Variants in DLC1 observed in about 807,000 individuals in gnomAD.
DLC1 encodes the protein rho GTPase-activating protein 7.
In DLC1, 54 loss-of-function variants were observed where a neutral mutation model predicts 140.3. The observed-to-expected ratio is 0.38, with a 90% CI of 0.31 to 0.48. The LOEUF is 0.48. Among genes scored for constraint, DLC1 ranks in the 20% least tolerant of loss-of-function variants. The probability of loss-of-function intolerance (pLI) is 0.96; values close to 1 mark genes in which losing one functional copy is unlikely to be tolerated. For synonymous variants in DLC1, 986 were observed against 728.1 expected (o/e 1.35, Z -5.70); for missense variants, 2,536 against 1,907.0 (o/e 1.33, Z -6.14).
intron 1 of DLC1, among the ~76,000 whole-genome samples, chr8:13,527,803 G>T (rs895158087): frequency 1.3e-5 from 2 of 152,210 alleles, no homozygotes; most frequent in Non-Finnish European, 2.9e-5. Flanking sequence ...TCTATTATAC[G>T]TGAACTAGGG....
At chr8:13,278,297 A>G (rs1308594614) in intron 5 of DLC1, among the ~76,000 whole-genome samples, 3 of 152,196 alleles carry the variant, frequency 2.0e-5, no homozygotes, top group African/African-American at 7.2e-5. Context: ...TTCTAAAACA[A>G]TGTCCCCAGA....
intron 6 of DLC1, among the ~76,000 whole-genome samples, chr8:13,114,139 A>G (rs1047348197): frequency 6.6e-6 from 1 of 152,210 alleles, no homozygotes; most frequent in African/African-American, 2.4e-5. Context: ...AGGTGGGTGG[A>G]TCACCTGAGG....
intron 5 of DLC1, among the ~76,000 whole-genome samples, chr8:13,240,445 C>G (rs1829494152): frequency 6.6e-6 from 1 of 152,164 alleles, no homozygotes; most frequent in South Asian, 2.1e-4. Context: ...CTTTCTGAGA[C>G]AGGGTCTCTC....
chr8:13,418,953 A>G (rs1360424632), intron 2 of DLC1, among the ~76,000 whole-genome samples: 11 of 151,450 alleles, frequency 7.3e-5, no homozygotes, highest in African/African-American at 2.4e-4. Context: ...TGGATTCCTA[A>G]GTATTTTATT....
intron 5 of DLC1, among the ~76,000 whole-genome samples, chr8:13,258,126 C>G (rs1197612419): frequency 6.6e-6 from 1 of 152,158 alleles, no homozygotes; most frequent in Non-Finnish European, 1.5e-5. Flanking sequence ...CAGCAAATCA[C>G]AAGTGCAAGG....
chr8:13,299,012 C>A (rs996633118), intron 5 of DLC1, among the ~76,000 whole-genome samples: 3 of 152,078 alleles, frequency 2.0e-5, no homozygotes, highest in Admixed American at 2.0e-4. Context: ...ATTAATAGTT[C>A]TCAAATATTC....
At chr8:13,133,257 G>A in intron 5 of DLC1, 6 of 1,355,212 alleles carry the variant, frequency 4.4e-6, no homozygotes, top group Non-Finnish European at 4.7e-6. Flanking sequence ...GGCTGGGAGC[G>A]AAGCGCCCTC....
At chr8:13,555,528 GTT>G (rs1012392594) in intron 1 of DLC1, among the ~76,000 whole-genome samples, 86 of 152,182 alleles carry the variant, frequency 5.7e-4, no homozygotes, top group African/African-American at 2.0e-3. Flanking sequence ...GTCTCACTCT[GTT>G]GCCCAGGCTG....
rs140772564 is a variant in DLC1 at position 13,426,179 on chromosome 8, T to C, written c.1024-24560A>G. ...TGGATACAAATTGAAAAGATGTCCA[T>C]GCTTAATATTCCAAATATTGTCTCT... is the stretch of plus-strand genomic sequence containing the variant. On this transcript the variant is annotated intron_variant, in intron 2 of 17. Transcript: ENST00000276297. 1.8e-3 allele frequency among the ~76,000 whole-genome samples: 271 copies of C among 150,646 alleles called. 1 individual carries two copies. The highest frequency in any genetic ancestry group is 6.4e-3 in the African/African-American group (263 of 41,226).
At chr8:13,369,734 G>C (rs186693162) in intron 4 of DLC1, among the ~76,000 whole-genome samples, 2 of 151,998 alleles carry the variant, frequency 1.3e-5, no homozygotes, top group Non-Finnish European at 2.9e-5. Context: ...TGGCCTGGAG[G>C]GTTACACTTG....
At chr8:13,125,658 C>T (rs924088123) in intron 5 of DLC1, among the ~76,000 whole-genome samples, 2 of 152,078 alleles carry the variant, frequency 1.3e-5, no homozygotes, top group African/African-American at 4.8e-5. Flanking sequence ...ACAGTGCCCT[C>T]ACTTGTAAAT....
At chr8:13,383,961 T>G (rs901832958) in intron 4 of DLC1, among the ~76,000 whole-genome samples, 3 of 152,162 alleles carry the variant, frequency 2.0e-5, no homozygotes, top group Non-Finnish European at 4.4e-5. Flanking sequence ...ACTGTGAGAT[T>G]AGCTGCATAA....
chr8:13,273,351 A>G (rs561183753), intron 5 of DLC1, among the ~76,000 whole-genome samples: 90 of 152,354 alleles, frequency 5.9e-4, no homozygotes, highest in South Asian at 1.4e-3. Context: ...TGAAAACTCA[A>G]TACCATCCTC....
In DLC1 at chr8:13,396,639, A is replaced by C. The variant is rs534007395; in HGVS notation, c.1174-2946T>G. Among the ~76,000 whole-genome samples the C allele has an allele frequency of 2.6e-4, 39 of 152,286 alleles. 4 individuals are homozygous for C. The South Asian group carries it at 7.9e-3, about 31-fold the overall frequency. On this transcript the variant is annotated intron_variant, in intron 3 of 17. Transcript: ENST00000276297. ...TATCCCAAGGTAGAGCTGGCATTAG[A>C]GTTCAGGTGTGTCTGACCCCAGAAT...
rs912508502 is a variant in DLC1, at chr8:13,345,360, A to G, written c.1315-40058T>C. Among the ~76,000 whole-genome samples, 4 of 151,876 alleles carry G rather than the reference A, an allele frequency of 2.6e-5. No homozygotes were observed. In the East Asian group the frequency reaches 5.8e-4, roughly 22 times the overall value. On this transcript the variant is annotated intron_variant, in intron 4 of 17. Transcript: ENST00000276297. The stretch of plus-strand genomic sequence containing the variant: ...CCTATAGTGAAAACAGAGAGTCACC[A>G]TTGCAGTGAGCGTAAAGAAAATGAT...
intron 6 of DLC1, 126 bp downstream of exon 6, chr8:13,115,457 TACA>T: frequency 1.1e-6 from 1 of 917,358 alleles, no homozygotes; most frequent in Non-Finnish European, 1.6e-6. Context: ...CTTGCATGCT[TACA>T]ACATTTTTTT....
intron 2 of DLC1, among the ~76,000 whole-genome samples, chr8:13,407,770 T>C (rs1255063644): frequency 6.6e-6 from 1 of 152,176 alleles, no homozygotes; most frequent in Non-Finnish European, 1.5e-5. Context: ...TTACTGGTTA[T>C]TCTGGACTGC....
intron 1 of DLC1, among the ~76,000 whole-genome samples, chr8:13,521,296 G>A (rs994479809): frequency 2.0e-5 from 3 of 152,020 alleles, no homozygotes; most frequent in African/African-American, 4.8e-5. Flanking sequence ...GCTAATGCAC[G>A]TGGGGCTTAA....
At chr8:13,267,757 T>A (rs1277076871) in intron 5 of DLC1, among the ~76,000 whole-genome samples, 1 of 151,590 alleles carries the variant, frequency 6.6e-6, no homozygotes, top group Non-Finnish European at 1.5e-5. Flanking sequence ...TGTGTGTGTG[T>A]GTGTGTGTGT....
Sources: allele counts gnomAD v4.1 joint callset (sites outside exome capture counted in the v4.1 genomes callset), GRCh38; gene constraint gnomAD v4.1.1; transcripts MANE v1.5; gene names NCBI Gene and HGNC (gene_info 2026-07-23, HGNC 2026-07-21).